APOBEC3D: variants seen among roughly 807,000 people sequenced by gnomAD.
The protein encoded by APOBEC3D is apolipoprotein B mRNA editing enzyme catalytic subunit 3D.
In APOBEC3D, 37 loss-of-function variants were observed where a neutral mutation model predicts 45.6. The ratio of observed to expected loss-of-function variants is 0.81; its 90% confidence interval spans 0.62 to 1.07. The LOEUF is 1.07. Ranked by LOEUF, APOBEC3D falls within the 50% of genes least tolerant of loss-of-function variation. APOBEC3D has a pLI of 0.00. For synonymous variants in APOBEC3D, 175 were observed against 180.7 expected (o/e 0.97, Z 0.25); for missense variants, 496 against 495.3 (o/e 1.00, Z -0.01).
At position 39,032,137 on chromosome 22, in the gene APOBEC3D, G is replaced by C. The variant is rs565980202; in HGVS notation, c.1043-61G>C. The C allele has an allele frequency of 2.4e-4, 377 of 1,598,356 alleles. 1 individual carries two copies. The East Asian group carries it at 7.6e-3, about 32-fold the overall frequency. On this transcript the variant is annotated intron_variant, in intron 6 of 6. Transcript: ENST00000216099. ...AGGAGACCTGGCTTGGGAGGGGAGG[G>C]CCCAGGGCCGGGAGAGAGGCTTGCT...
At chr22:39,029,625 C>A in intron 5 of APOBEC3D, 106 bp downstream of exon 5, 1 of 1,323,426 alleles carries the variant, frequency 7.6e-7, no homozygotes, top group Non-Finnish European at 1.0e-6. Context: ...TGTGTACTTT[C>A]CTCTTACATT....
Position 39,032,411 on chromosome 22 carries a change from G to A in APOBEC3D, c.*95G>A. On this transcript the variant is annotated 3_prime_UTR_variant, in exon 7 of 7. Transcript: ENST00000216099. ...TCCTGCACCAGCTGTGCTTTTGCCT[G>A]GTCATCCTGAGCCCCTCCTGGCCTC... The A allele has an allele frequency of 6.4e-7, 1 of 1,551,036 alleles. No individual in the cohort carries two copies. The highest frequency in any genetic ancestry group is 8.7e-7 in the Non-Finnish European group (1 of 1,152,224).
At chr22:39,026,814 G>A (rs1925718981) in intron 4 of APOBEC3D, among the ~76,000 whole-genome samples, 4 of 151,560 alleles carry the variant, frequency 2.6e-5, no homozygotes. Context: ...GTGCTGTGGT[G>A]CGATCTCGGC....
At chr22:39,024,521 G>C (rs1925436099) in intron 2 of APOBEC3D, among the ~76,000 whole-genome samples, 1 of 152,192 alleles carries the variant, frequency 6.6e-6, no homozygotes, top group African/African-American at 2.4e-5. Context: ...CTGAGACGGG[G>C]ACATTTACAG....
intron 4 of APOBEC3D, among the ~76,000 whole-genome samples, chr22:39,026,143 G>A (rs554230025): frequency 6.6e-6 from 1 of 152,316 alleles, no homozygotes; most frequent in South Asian, 2.1e-4. Flanking sequence ...CCCCCGGGCC[G>A]GGTGCCCACA....
rs151014004 is a variant in APOBEC3D, at chr22:39,022,718, G to T, written c.18-104G>T. 8.0e-3 allele frequency: 11,031 copies of T among 1,380,110 alleles called. 841 individuals carry two copies. In the African/African-American group the frequency reaches 0.15, roughly 19 times the overall value. The allele number at this position is 1,380,110 out of a possible 1,614,324, so 85.5% of individuals were successfully genotyped here. The stretch of plus-strand genomic sequence containing the variant: ...GAAATTCTCAGGGCTGTGGAGGGGT[G>T]GGGGAGGCCCAGGGCCGTCCCGGGA... On this transcript the variant is annotated intron_variant, in intron 1 of 6. Coordinates refer to ENST00000216099, the MANE Select transcript of APOBEC3D (RefSeq NM_152426.4).
chr22:39,026,834 C>A lies in APOBEC3D; in HGVS notation c.605+1163C>A, dbSNP rs542087541. ...GTGGTGCGATCTCGGCTCACTGCAA[C>A]CTCTGCCTCCCGGTTCTAGCAATTC... is the stretch of plus-strand genomic sequence containing the variant. On this transcript the variant is annotated intron_variant, in intron 4 of 6. Coordinates refer to ENST00000216099, the MANE Select transcript of APOBEC3D (RefSeq NM_152426.4). Among the ~76,000 whole-genome samples, 1,392 of 151,998 alleles carry A rather than the reference C, an allele frequency of 9.2e-3. 4 individuals are homozygous for A. The highest frequency in any genetic ancestry group is 0.015 in the Non-Finnish European group (993 of 67,984).
rs372074531 is a variant in APOBEC3D at position 39,025,273 on chromosome 22, C to T, written c.414C>T (p.Tyr138=). The T allele has an allele frequency of 6.2e-7, 1 of 1,614,128 alleles. No individual in the cohort carries two copies. Among genetic ancestry groups the T allele is most frequent in the South Asian group, 1.1e-5 (1 of 91,084 alleles). The change falls in exon 3 of 7, where the codon TAC becomes TAT. Residue 138 remains tyrosine, a synonymous_variant. Transcript: ENST00000216099. ...TCTCTGCCGCCCGCCTCTACTACTA[C>T]CGGGATAGAGATTGGCGGTGGGTGC... ...LTISAARLYY[Y]RDRDWRWVLL... is the part of the protein sequence containing the mutation.
intron 2 of APOBEC3D, among the ~76,000 whole-genome samples, chr22:39,023,892 A>G (rs1925374274): frequency 6.6e-6 from 1 of 152,032 alleles, no homozygotes; most frequent in African/African-American, 2.4e-5. Context: ...CACTGGGGAC[A>G]CTAAGTTCCC....
chr22:39,032,174 G>C lies in APOBEC3D; in HGVS notation c.1043-24G>C, dbSNP rs755056120. The stretch of plus-strand genomic sequence containing the variant: ...GAGAGAGGCTTGCTGGGCCCTCACT[G>C]CTTTCTCCTTGTTTTTTTCTCAGAT... On this transcript the variant is annotated intron_variant, in intron 6 of 6. Coordinates refer to ENST00000216099, the MANE Select transcript of APOBEC3D (RefSeq NM_152426.4). 7.4e-6 allele frequency: 12 copies of C among 1,612,188 alleles called. No individual in the cohort carries two copies. The Admixed American group carries it at 8.3e-5, about 11-fold the overall frequency.
chr22:39,025,435 T>A lies in APOBEC3D; in HGVS notation c.490+86T>A, dbSNP rs754274350. 4.3e-6 allele frequency: 7 copies of A among 1,613,170 alleles called. No individual in the cohort carries two copies. The South Asian group carries it at 7.7e-5, about 18-fold the overall frequency. On this transcript the variant is annotated intron_variant, in intron 3 of 6. Transcript: ENST00000216099. ...TCTGCAATGCCATGGCTGGGGGTGT[T>A]CCAGGGCAGCCTGCAGGGGTGGGGC...
At chr22:39,026,653 G>A (rs541759004) in intron 4 of APOBEC3D, among the ~76,000 whole-genome samples, 38 of 152,260 alleles carry the variant, frequency 2.5e-4, no homozygotes, top group South Asian at 1.9e-3. Flanking sequence ...CTGGGCCTCC[G>A]GCTCACGCCT....
chr22:39,031,037 G>A (rs1041910171), intron 5 of APOBEC3D, among the ~76,000 whole-genome samples: 3 of 152,094 alleles, frequency 2.0e-5, no homozygotes, highest in Admixed American at 6.6e-5. Context: ...GTAGGAGTGC[G>A]CGACTGTAAT....
rs1428507771 is a variant in APOBEC3D, at chr22:39,029,572, G to A, written c.762+53G>A. 18 of 1,603,032 alleles carry A rather than the reference G, an allele frequency of 1.1e-5. No homozygotes were observed. In the African/African-American group the frequency reaches 1.2e-4, roughly 11 times the overall value. On this transcript the variant is annotated intron_variant, in intron 5 of 6. Coordinates refer to ENST00000216099, the MANE Select transcript of APOBEC3D (RefSeq NM_152426.4). ...AAATAGGAGCTAAGCAGCTGGGAAC[G>A]CAGAAAACACAATACGTGACGTGCC...
At chr22:39,026,356 G>A (rs1372533575) in intron 4 of APOBEC3D, among the ~76,000 whole-genome samples, 1 of 152,190 alleles carries the variant, frequency 6.6e-6, no homozygotes, top group Non-Finnish European at 1.5e-5. Context: ...ACCCCAGTCA[G>A]ACAGGATTAG....
At position 39,022,914 on chromosome 22, in the gene APOBEC3D, A is replaced by G; in HGVS notation, c.110A>G (p.Tyr37Cys). The G allele has an allele frequency of 6.2e-6, 10 of 1,613,808 alleles. No homozygotes were observed. Among genetic ancestry groups the G allele is most frequent in the Non-Finnish European group, 8.5e-6 (10 of 1,179,994 alleles). Residue 37 changes from tyrosine (Y) to cysteine (C), a missense_variant, in exon 2 of 7, where the codon TAT becomes TGT. Transcript: ENST00000216099. Reference sequence around the variant, plus strand: ...GGTCGGAGCTACACTTGGCTGTGCTATGAAGTGAAAATAAAGAGGGGCCGC... The same window carrying G: ...GGTCGGAGCTACACTTGGCTGTGCTGTGAAGTGAAAATAAAGAGGGGCCGC... ...LYGRSYTWLC[Y>C]EVKIKRGRSN...
intron 4 of APOBEC3D, among the ~76,000 whole-genome samples, chr22:39,026,138 G>A (rs1394968880): frequency 6.6e-6 from 1 of 152,180 alleles, no homozygotes; most frequent in East Asian, 1.9e-4. Context: ...AGATGCCCCC[G>A]GGCCGGGTGC....
chr22:39,021,377 A>G lies in APOBEC3D; in HGVS notation c.-143A>G, dbSNP rs1603274576. 8.7e-7 allele frequency: 1 copy of G among 1,148,656 alleles called. No individual in the cohort carries two copies. The highest frequency in any genetic ancestry group is 2.6e-5 in the East Asian group (1 of 38,526). 71.2% of individuals were successfully genotyped at this position (1,148,656 alleles called of 1,614,324 possible). On this transcript the variant is annotated 5_prime_UTR_variant, in exon 1 of 7. Coordinates refer to ENST00000216099, the MANE Select transcript of APOBEC3D (RefSeq NM_152426.4). Reference sequence around the variant, plus strand: ...CGCCTCGGCCTCCCAAAGTGCTGGGATTACAGGCGTGAGCCACCGTGCCCG... The same window carrying G: ...CGCCTCGGCCTCCCAAAGTGCTGGGGTTACAGGCGTGAGCCACCGTGCCCG...
chr22:39,031,784 A>T lies in APOBEC3D; in HGVS notation c.853A>T (p.Thr285Ser). Residue 285 changes from threonine (T) to serine (S), a missense_variant, in exon 6 of 7, where the codon ACC becomes TCC. Physicochemically the swap from Thr to Ser is moderately conservative, Grantham distance 58 (BLOSUM62 1). Coordinates refer to ENST00000216099, the MANE Select transcript of APOBEC3D (RefSeq NM_152426.4). ...ILSPNTNYEV[T>S]WYTSWSPCPE... is the part of the protein sequence containing the mutation. ...GTCTCCTAACACAAACTACGAGGTC[A>T]CCTGGTACACATCTTGGAGCCCTTG... 6.2e-7 allele frequency: 1 copy of T among 1,613,966 alleles called. No individual in the cohort carries two copies.
Sources: gnomAD v4.1 joint callset for allele counts (sites outside exome capture counted in the v4.1 genomes callset) on GRCh38, gnomAD v4.1.1 for gene constraint, MANE v1.5 for transcripts, NCBI Gene and HGNC (gene_info 2026-07-23, HGNC 2026-07-21) for gene names.